FRMD4A: variants seen among roughly 807,000 people sequenced by gnomAD.
FRMD4A encodes FERM domain-containing protein 4A.
Under a neutral mutation model 129.1 loss-of-function variants are expected in FRMD4A, and 29 were observed. That is an observed-to-expected ratio of 0.22 (90% CI 0.17 to 0.31). The LOEUF (loss-of-function observed/expected upper bound fraction) is 0.31. Among genes scored for constraint, FRMD4A ranks in the 10% least tolerant of loss-of-function variants. The pLI is 1.00. For missense variants in FRMD4A, 1,272 were observed against 1,375.8 expected, an observed-to-expected ratio of 0.92 and a Z score of 1.19; for synonymous variants, 634 against 571.6, an observed-to-expected ratio of 1.11 and a Z score of -1.56.
At chr10:13,822,412 C>G (rs1278095464) in intron 3 of FRMD4A, among the ~76,000 whole-genome samples, 1 of 152,174 alleles carries the variant, frequency 6.6e-6, no homozygotes, top group African/African-American at 2.4e-5. Flanking sequence ...AGAATTTTGC[C>G]AGACAGTAAG....
chr10:14,044,909 T>G (rs11258820), intron 2 of FRMD4A, among the ~76,000 whole-genome samples: 2,886 of 152,298 alleles, frequency 0.019, 36 homozygotes, highest in East Asian at 0.046. Context: ...TCAGGCTACA[T>G]TCTCTGGCCC....
At chr10:13,998,100 G>A (rs1346925970) in intron 2 of FRMD4A, among the ~76,000 whole-genome samples, 3 of 152,120 alleles carry the variant, frequency 2.0e-5, no homozygotes, top group African/African-American at 7.2e-5. Context: ...ACCACATGGA[G>A]CCCATCTCTA....
rs79158018 is a variant in FRMD4A, at chr10:13,724,966, C to T, written c.759+12878G>A. Among the ~76,000 whole-genome samples the T allele has an allele frequency of 5.9e-5, 9 of 152,292 alleles. No individual in the cohort carries two copies. In the East Asian group the frequency reaches 7.7e-4, roughly 13 times the overall value. On this transcript the variant is annotated intron_variant, in intron 12 of 24. Coordinates refer to ENST00000357447, the MANE Select transcript of FRMD4A (RefSeq NM_018027.5). The stretch of plus-strand genomic sequence containing the variant: ...AGATCTAGCTTGAGCACTGGCTCCA[C>T]GGGAGTCAAAGACAGACGTGGGGTT...
intron 2 of FRMD4A, among the ~76,000 whole-genome samples, chr10:13,994,013 C>CTTTTT (rs551387633): frequency 1.5e-5 from 2 of 134,592 alleles, no homozygotes; most frequent in African/African-American, 2.7e-5. Flanking sequence ...TGGGACAGTC[C>CTTTTT]TTTTTTTTTT....
intron 2 of FRMD4A, among the ~76,000 whole-genome samples, chr10:14,257,310 G>A (rs1456635321): frequency 2.0e-5 from 3 of 152,156 alleles, no homozygotes; most frequent in Admixed American, 2.0e-4. Flanking sequence ...CAGCCTGGGT[G>A]ACAGAGCAAG....
intron 2 of FRMD4A, among the ~76,000 whole-genome samples, chr10:14,098,921 C>G (rs573001589): frequency 9.9e-5 from 15 of 152,154 alleles, no homozygotes; most frequent in Non-Finnish European, 1.8e-4. Context: ...CCAGCTCTGC[C>G]GCTTTTCAGT....
intron 6 of FRMD4A, among the ~76,000 whole-genome samples, chr10:13,762,881 C>A (rs2092129570): frequency 6.6e-6 from 1 of 152,104 alleles, no homozygotes; most frequent in African/African-American, 2.4e-5. Flanking sequence ...GTAGACGCAG[C>A]TGTTTTGGAG....
chr10:13,922,188 G>A (rs1313172087), intron 2 of FRMD4A, among the ~76,000 whole-genome samples: 1 of 152,112 alleles, frequency 6.6e-6, no homozygotes, highest in Non-Finnish European at 1.5e-5. Flanking sequence ...AGAAATAAAT[G>A]TCTGTTGGTT....
chr10:14,293,886 T>G (rs1845924920), intron 2 of FRMD4A, among the ~76,000 whole-genome samples: 1 of 152,220 alleles, frequency 6.6e-6, no homozygotes, highest in Non-Finnish European at 1.5e-5. Flanking sequence ...GATTCACAAT[T>G]GCACATTATA....
At chr10:13,900,770 G>T (rs1278924039) in intron 2 of FRMD4A, among the ~76,000 whole-genome samples, 1 of 152,028 alleles carries the variant, frequency 6.6e-6, no homozygotes, top group Admixed American at 6.6e-5. Flanking sequence ...GTTGGCAGGT[G>T]CCTGTAATCC....
At chr10:14,056,325 C>A (rs1460345098) in intron 2 of FRMD4A, among the ~76,000 whole-genome samples, 2 of 152,082 alleles carry the variant, frequency 1.3e-5, no homozygotes, top group East Asian at 3.8e-4. Flanking sequence ...AGCCACCGGA[C>A]CTGATCTTAT....
In FRMD4A at chr10:13,929,074, C is replaced by T. The variant is rs117276674; in HGVS notation, c.46-70162G>A. On this transcript the variant is annotated intron_variant, in intron 2 of 24. Transcript: ENST00000357447. ...TTTTGTTATTCTCATGTTTTATTTC[C>T]TTATTATTTGTAAGCGTGTTTGGCT... 2.6e-3 allele frequency among the ~76,000 whole-genome samples: 392 copies of T among 152,256 alleles called. 3 individuals are homozygous for T. Among genetic ancestry groups the T allele is most frequent in the Admixed American group, 0.019 (292 of 15,296 alleles).
At chr10:14,225,955 T>C (rs1236257504) in intron 2 of FRMD4A, among the ~76,000 whole-genome samples, 2 of 152,216 alleles carry the variant, frequency 1.3e-5, no homozygotes, top group African/African-American at 4.8e-5. Flanking sequence ...GGTGGCCAGA[T>C]ATTCTACTGA....
Position 13,670,456 on chromosome 10 carries a change from T to G in FRMD4A, c.1324A>C (p.Ile442Leu). The part of the protein sequence containing the change: ...GEEPPIVRRR[I>L]GTAFKLDEQK... Reference sequence around the variant, plus strand: ...TCATCCAGTTTGAAGGCTGTTCCTATTCTTCTCCGAACAATGGGTGGTTCC... The same window carrying G: ...TCATCCAGTTTGAAGGCTGTTCCTAGTCTTCTCCGAACAATGGGTGGTTCC... Residue 442 changes from isoleucine to leucine, a missense_variant, in exon 17 of 25, where the codon ATA (isoleucine) becomes CTA (leucine). This residue lies in a region of FRMD4A where 972 missense variants were observed against 892.3 expected (regional missense o/e 1.09). Transcript: ENST00000357447. The G allele has an allele frequency of 6.2e-7, 1 of 1,613,668 alleles. No homozygotes were observed.
Position 14,230,274 on chromosome 10 carries a change from TGTC to T in FRMD4A, c.45+99781_45+99783del, listed in dbSNP as rs146560595. 3.8e-3 allele frequency among the ~76,000 whole-genome samples: 581 copies of T among 152,332 alleles called. 2 individuals carry two copies. Among genetic ancestry groups the T allele is most frequent in the Middle Eastern group, 0.024 (7 of 294 alleles). On this transcript the variant is annotated intron_variant, in intron 2 of 24. Transcript: ENST00000357447. ...TAGGTACCATTTTGCCAGTTGTTGTTGTCACTGAAGAATGGTTAAGAACGTGGA... is the reference window on the plus strand; with the variant it reads ...TAGGTACCATTTTGCCAGTTGTTGTTACTGAAGAATGGTTAAGAACGTGGA...
chr10:14,263,323 C>A (rs558843313), intron 2 of FRMD4A, among the ~76,000 whole-genome samples: 3 of 152,152 alleles, frequency 2.0e-5, no homozygotes, highest in Non-Finnish European at 2.9e-5. Flanking sequence ...CTTCAGCCAG[C>A]GCAGGAGGGG....
At chr10:13,650,356 G>A (rs142082572) in intron 24 of FRMD4A, among the ~76,000 whole-genome samples, 35 of 152,284 alleles carry the variant, frequency 2.3e-4, no homozygotes, top group African/African-American at 7.9e-4. Flanking sequence ...GTCTGGGAAG[G>A]TGCTGTTGCT....
chr10:14,299,324 T>C (rs1275576080), intron 2 of FRMD4A, among the ~76,000 whole-genome samples: 2 of 152,196 alleles, frequency 1.3e-5, no homozygotes, highest in Non-Finnish European at 2.9e-5. Context: ...AGCAAGAACA[T>C]GGCCACGTGG....
intron 2 of FRMD4A, among the ~76,000 whole-genome samples, chr10:13,958,302 G>T (rs769703786): frequency 0.34 from 15,715 of 46,084 alleles, 1,084 homozygotes; most frequent in East Asian, 0.52. Context: ...TTTTTTTTTT[G>T]GAGACGGAGT....
Sources: allele counts gnomAD v4.1 joint callset (sites outside exome capture counted in the v4.1 genomes callset), GRCh38; gene constraint gnomAD v4.1.1; regional missense constraint gnomAD v4.1.1; transcripts MANE v1.5; gene names NCBI Gene and HGNC (gene_info 2026-07-23, HGNC 2026-07-21).